Variants in ARHGEF10 observed in about 807,000 individuals in gnomAD.
ARHGEF10 encodes Rho guanine nucleotide exchange factor 10.
A neutral mutation model predicts 147.4 loss-of-function variants in ARHGEF10; 140 were observed. The ratio of observed to expected loss-of-function variants is 0.95; its 90% CI spans 0.83 to 1.09. The LOEUF is 1.09. Ranked by LOEUF, ARHGEF10 falls within the 50% of genes least tolerant of loss-of-function variation. The probability of loss-of-function intolerance (pLI) is 0.00; values close to 1 mark genes in which losing one functional copy is unlikely to be tolerated. For missense variants in ARHGEF10, 2,222 were observed against 1,752.7 expected, an observed-to-expected ratio of 1.27 and a Z score of -4.78; for synonymous variants, 902 against 695.8, an observed-to-expected ratio of 1.30 and a Z score of -4.67.
At chr8:1,928,800 T>C (rs1812887743) in intron 24 of ARHGEF10, 150 bp downstream of exon 24, 4 of 828,052 alleles carry the variant, frequency 4.8e-6, no homozygotes, top group Non-Finnish European at 7.9e-6. Context: ...TTTAGGGTCA[T>C]TGCACTTTGA....
intron 1 of ARHGEF10, among the ~76,000 whole-genome samples, chr8:1,826,982 G>T (rs1378960401): frequency 3.3e-5 from 5 of 152,236 alleles, no homozygotes; most frequent in Admixed American, 6.5e-5. Context: ...CTCTGCAGTG[G>T]AAAGGGGTGG....
rs1479533790 is a variant in ARHGEF10, at chr8:1,952,788, C to T, written c.3481C>T (p.Leu1161=). The T allele has an allele frequency of 6.8e-6, 11 of 1,613,868 alleles. No individual in the cohort carries two copies. The highest frequency in any genetic ancestry group is 1.3e-5 in the African/African-American group (1 of 75,074). Reference sequence around the variant, plus strand: ...CACCAGCCTGGGAGTCCTCGTGGCCCTGCCGGTCCCACGTCTGCAAGGGAT... The same window carrying T: ...CACCAGCCTGGGAGTCCTCGTGGCCTTGCCGGTCCCACGTCTGCAAGGGAT... ...VGTSLGVLVA[L]PVPRLQGIPK... The change falls in exon 28 of 29, where the codon CTG becomes TTG. Residue 1161 remains leucine (L), a synonymous_variant. Transcript: ENST00000349830.
Position 1,909,381 on chromosome 8 carries a change from A to C in ARHGEF10, c.2054A>C (p.Tyr685Ser). The C allele has an allele frequency of 1.2e-6, 2 of 1,614,182 alleles. No individual in the cohort carries two copies. Among genetic ancestry groups the C allele is most frequent in the Non-Finnish European group, 1.7e-6 (2 of 1,180,034 alleles). The part of the protein sequence containing the change: ...VPLGHVDAIE[Y>S]GSSAGTGEHS... ...CTGGGACATGTGGACGCCATCGAGT[A>C]TGGCAGCAGCGCAGGCACGGGCGAG... is the stretch of plus-strand genomic sequence containing the variant. Residue 685 changes from tyrosine (Y) to serine (S), a missense_variant, in exon 18 of 29, where the codon TAT becomes TCT. Coordinates refer to ENST00000349830, the MANE Select transcript of ARHGEF10 (RefSeq NM_014629.4).
At chr8:1,831,018 G>A (rs1803065163) in intron 1 of ARHGEF10, among the ~76,000 whole-genome samples, 1 of 152,276 alleles carries the variant, frequency 6.6e-6, no homozygotes, top group South Asian at 2.1e-4. Context: ...GAGGGCCGAA[G>A]GCAAGAGGGG....
At chr8:1,835,742 C>T (rs1196006869) in intron 1 of ARHGEF10, among the ~76,000 whole-genome samples, 1 of 152,180 alleles carries the variant, frequency 6.6e-6, no homozygotes, top group Non-Finnish European at 1.5e-5. Context: ...TCACGCTGAA[C>T]AGCGTCAGGG....
At chr8:1,862,165 G>A (rs886985672) in intron 4 of ARHGEF10, among the ~76,000 whole-genome samples, 45 of 152,234 alleles carry the variant, frequency 3.0e-4, no homozygotes, top group African/African-American at 1.1e-3. Flanking sequence ...CCCCAGCCTG[G>A]CCCACACTTC....
rs756769435 is a variant in ARHGEF10 at position 1,925,310 on chromosome 8, G to C, written c.2516G>C (p.Cys839Ser). 9.3e-6 allele frequency: 15 copies of C among 1,614,226 alleles called. No individual in the cohort carries two copies. The South Asian group carries it at 1.6e-4, about 18-fold the overall frequency. The change falls in exon 22 of 29, where the codon TGT becomes TCT. Residue 839 changes from cysteine (C) to serine (S), a missense_variant. By Grantham distance (112) the Cys-to-Ser change is moderately radical. Coordinates refer to ENST00000349830, the MANE Select transcript of ARHGEF10 (RefSeq NM_014629.4). ...GAGGAGAACCACATGGGCTGGTTCT[G>C]TGTGGAAGACGATGGGAATCACATT... ...LEEENHMGWF[C>S]VEDDGNHIKK... is the part of the protein sequence containing the mutation.
chr8:1,941,002 T>C (rs1387306767), intron 26 of ARHGEF10, among the ~76,000 whole-genome samples: 1 of 152,184 alleles, frequency 6.6e-6, no homozygotes, highest in Non-Finnish European at 1.5e-5. Context: ...TATAAAACAC[T>C]CACAGCTAAC....
chr8:1,852,604 G>A (rs757711411), intron 2 of ARHGEF10, among the ~76,000 whole-genome samples: 9 of 152,210 alleles, frequency 5.9e-5, no homozygotes, highest in Non-Finnish European at 8.8e-5. Flanking sequence ...GGATTGTCAG[G>A]TAACTTCCTC....
chr8:1,910,940 T>G (rs1023711361), intron 18 of ARHGEF10, among the ~76,000 whole-genome samples: 1 of 152,226 alleles, frequency 6.6e-6, no homozygotes, highest in African/African-American at 2.4e-5. Flanking sequence ...TATTTATGAT[T>G]TATGCTGAGC....
At chr8:1,856,838 C>T (rs540561693) in intron 2 of ARHGEF10, among the ~76,000 whole-genome samples, 1 of 152,308 alleles carries the variant, frequency 6.6e-6, no homozygotes, top group South Asian at 2.1e-4. Context: ...GGAACGTGTG[C>T]TGGGAAGAAA....
intron 2 of ARHGEF10, among the ~76,000 whole-genome samples, chr8:1,846,119 G>C (rs1207776674): frequency 3.3e-5 from 5 of 152,214 alleles, no homozygotes; most frequent in Admixed American, 2.6e-4. Flanking sequence ...ATTTCACCCA[G>C]GAGGGTGTCC....
Position 1,888,532 on chromosome 8 carries a change from G to A in ARHGEF10, c.1182+2825G>A, listed in dbSNP as rs1444026640. 2.9e-5 allele frequency among the ~76,000 whole-genome samples: 4 copies of A among 138,802 alleles called. 1 individual carries two copies. The highest frequency in any genetic ancestry group is 2.1e-4 in the Admixed American group (3 of 14,596). 91.1% of individuals were successfully genotyped at this position (138,802 alleles called of 152,430 possible). A position where few individuals can be genotyped will look rare whatever the true frequency, so the allele number is the denominator to read the frequency against. The stretch of plus-strand genomic sequence containing the variant: ...ATACTGAGTGGGGTGAGGGGTCTGT[G>A]AGGAGACGCTGAGTGGGGTGAGGTA... On this transcript the variant is annotated intron_variant, in intron 11 of 28. Transcript: ENST00000349830.
intron 23 of ARHGEF10, 85 bp from the exon 24 acceptor site, chr8:1,928,342 C>CG (rs1812840899): frequency 4.1e-6 from 5 of 1,230,254 alleles, no homozygotes; most frequent in Non-Finnish European, 6.0e-6. Flanking sequence ...CGAAGCTTGT[C>CG]GTGGCCTTTA....
intron 27 of ARHGEF10, among the ~76,000 whole-genome samples, chr8:1,946,411 G>C (rs12548952): frequency 6.6e-6 from 1 of 152,036 alleles, no homozygotes; most frequent in Non-Finnish European, 1.5e-5. Flanking sequence ...GCCCCTCCGC[G>C]TTCTGGAGGC....
rs763365885 is a variant in ARHGEF10 at position 1,928,477 on chromosome 8, A to G, written c.2748A>G (p.Gln916=). The change falls in exon 24 of 29, where the codon CAA becomes CAG. Residue 916 remains glutamine (Q), a synonymous_variant. Coordinates refer to ENST00000349830, the MANE Select transcript of ARHGEF10 (RefSeq NM_014629.4). ...QMGQIAIVSF[Q]NSTPKVIECF... Reference sequence around the variant, plus strand: ...GTCAGATTGCCATCGTCTCGTTTCAAAATTCCACTCCCAAAGTCATTGAGT... The same window carrying G: ...GTCAGATTGCCATCGTCTCGTTTCAGAATTCCACTCCCAAAGTCATTGAGT... The G allele has an allele frequency of 1.2e-5, 20 of 1,614,020 alleles. No individual in the cohort carries two copies. The highest frequency in any genetic ancestry group is 1.6e-5 in the Non-Finnish European group (19 of 1,180,028).
chr8:1,887,478 G>C (rs933741056), intron 11 of ARHGEF10, among the ~76,000 whole-genome samples: 2 of 137,420 alleles, frequency 1.5e-5, no homozygotes, highest in Non-Finnish European at 3.1e-5. Context: ...TCTGTGAGGA[G>C]ACACTGAGTG....
intron 9 of ARHGEF10, 84 bp from the exon 10 acceptor site, chr8:1,882,551 A>T (rs1205619317): frequency 9.1e-7 from 1 of 1,102,182 alleles, no homozygotes; most frequent in Non-Finnish European, 1.4e-6. Context: ...AGACTACTTG[A>T]CAGTATTCTT....
At chr8:1,940,634 T>A (rs1433594262) in intron 26 of ARHGEF10, among the ~76,000 whole-genome samples, 1 of 152,182 alleles carries the variant, frequency 6.6e-6, no homozygotes. Flanking sequence ...TCCTACTCAT[T>A]CTGCAGTCAG....
Sources: allele counts gnomAD v4.1 joint callset (sites outside exome capture counted in the v4.1 genomes callset), GRCh38; gene constraint gnomAD v4.1.1; transcripts MANE v1.5; gene names NCBI Gene and HGNC (gene_info 2026-07-23, HGNC 2026-07-21).